PAX5: variants seen among roughly 807,000 people sequenced by gnomAD.
The protein encoded by PAX5 is paired box 5, also known as paired box protein Pax-5.
In PAX5, 9 loss-of-function variants were observed where a neutral mutation model predicts 43.7. That is an observed-to-expected ratio of 0.21 (90% CI 0.12 to 0.36). PAX5 has a LOEUF of 0.36. Among genes scored for constraint, PAX5 ranks in the 10% least tolerant of loss-of-function variants. The pLI, the probability that PAX5 is intolerant of heterozygous loss-of-function variation, is 1.00. For synonymous variants in PAX5, 228 were observed against 214.3 expected, an observed-to-expected ratio of 1.06 and a Z score of -0.56; for missense variants, 383 against 532.7, an observed-to-expected ratio of 0.72 and a Z score of 2.77.
At chr9:36,848,516 G>A (rs1411923392) in intron 8 of PAX5, among the ~76,000 whole-genome samples, 1 of 152,144 alleles carries the variant, frequency 6.6e-6, no homozygotes, top group Admixed American at 6.5e-5. Context: ...CCCGATGACA[G>A]TGGGCTGCAG....
chr9:36,908,353 C>A (rs1238600075), intron 7 of PAX5, among the ~76,000 whole-genome samples: 1 of 152,122 alleles, frequency 6.6e-6, no homozygotes. Context: ...ACTGTCCCTT[C>A]CTTCATGCTG....
chr9:36,990,846 A>G (rs1239520235), intron 5 of PAX5, among the ~76,000 whole-genome samples: 1 of 152,262 alleles, frequency 6.6e-6, no homozygotes, highest in Non-Finnish European at 1.5e-5. Flanking sequence ...GCAGTGGCTC[A>G]CGCCTGTAAT....
chr9:37,030,298 G>T (rs940927104), intron 1 of PAX5, among the ~76,000 whole-genome samples: 5 of 152,152 alleles, frequency 3.3e-5, no homozygotes. Context: ...CAAAAGGCGC[G>T]ACCGGACCTC....
At chr9:36,877,856 C>T (rs1826054996) in intron 8 of PAX5, among the ~76,000 whole-genome samples, 1 of 152,218 alleles carries the variant, frequency 6.6e-6, no homozygotes, top group Non-Finnish European at 1.5e-5. Flanking sequence ...GACTAAGGAT[C>T]TTGCGATGGG....
At position 36,840,567 on chromosome 9, in the gene PAX5, C is replaced by T. The variant is rs771002648; in HGVS notation, c.1169G>A (p.Arg390His). Reference protein sequence around the residue: ...APPAAATAYDRH With the variant: ...APPAAATAYDHH Reference sequence around the variant, plus strand: ...CCCGCCTGGCTCCAAGGGTCAGTGACGGTCATAGGCAGTGGCGGCTGCAGG... The same window carrying T: ...CCCGCCTGGCTCCAAGGGTCAGTGATGGTCATAGGCAGTGGCGGCTGCAGG... Residue 390 changes from arginine (R) to histidine (H), a missense_variant, in exon 10 of 10, where the codon CGT becomes CAT. Arg to His is a conservative substitution (Grantham distance 29, BLOSUM62 0). Coordinates refer to ENST00000358127, the MANE Select transcript of PAX5 (RefSeq NM_016734.3). The T allele has an allele frequency of 2.4e-5, 38 of 1,586,102 alleles. No homozygotes were observed. Among genetic ancestry groups the T allele is most frequent in the African/African-American group, 8.0e-5 (6 of 74,708 alleles).
intron 6 of PAX5, among the ~76,000 whole-genome samples, chr9:36,947,723 TA>T (rs1341571622): frequency 2.0e-5 from 3 of 152,144 alleles, no homozygotes; most frequent in Non-Finnish European, 2.9e-5. Context: ...CATATATATA[TA>T]TATTTTTAAC....
chr9:37,026,732 T>C, intron 1 of PAX5: 1 of 985,368 alleles, frequency 1.0e-6, no homozygotes, highest in Non-Finnish European at 1.2e-6. Context: ...AGAGCCTCCC[T>C]GCTGGAGACC....
chr9:36,857,583 G>T (rs969039902), intron 8 of PAX5, among the ~76,000 whole-genome samples: 6 of 152,216 alleles, frequency 3.9e-5, no homozygotes, highest in African/African-American at 1.4e-4. Flanking sequence ...AAAGCTTCCT[G>T]TAAGAAGTGG....
At chr9:36,925,869 G>C (rs192773095) in intron 6 of PAX5, among the ~76,000 whole-genome samples, 6 of 152,236 alleles carry the variant, frequency 3.9e-5, no homozygotes, top group Admixed American at 2.0e-4. Context: ...CCTCCAAGAA[G>C]TCTTTCATAA....
intron 7 of PAX5, among the ~76,000 whole-genome samples, chr9:36,898,828 C>T (rs959945852): frequency 6.6e-6 from 1 of 152,100 alleles, no homozygotes; most frequent in East Asian, 1.9e-4. Context: ...GACATCCTGG[C>T]ACCCACTGGC....
At chr9:36,979,524 C>T (rs1409444128) in intron 5 of PAX5, among the ~76,000 whole-genome samples, 8 of 152,136 alleles carry the variant, frequency 5.3e-5, no homozygotes, top group Non-Finnish European at 5.9e-5. Flanking sequence ...ATACATATTC[C>T]TGTGGCATAT....
At chr9:36,966,489 G>A in intron 6 of PAX5, 60 bp downstream of exon 6, 1 of 1,569,568 alleles carries the variant, frequency 6.4e-7, no homozygotes, top group Non-Finnish European at 8.7e-7. Flanking sequence ...CTGCCTTCAG[G>A]AACCTGGCTG....
In PAX5 at chr9:36,840,648, G is replaced by A. The variant is rs201887362; in HGVS notation, c.1100-12C>T. The A allele has an allele frequency of 5.3e-5, 81 of 1,535,664 alleles. 1 individual carries two copies. The highest frequency in any genetic ancestry group is 6.4e-5 in the Non-Finnish European group (72 of 1,131,144). On this transcript the variant is annotated splice_polypyrimidine_tract_variant and intron_variant, in intron 9 of 9. Transcript: ENST00000358127. ...ATAGTAGGGGGAGCCTGGAAGAGAC[G>A]GGAGAGAGCACCGAGGTCAGATCCG...
intron 6 of PAX5, among the ~76,000 whole-genome samples, chr9:36,952,750 G>C (rs571886646): frequency 4.3e-4 from 66 of 152,048 alleles, no homozygotes; most frequent in African/African-American, 1.5e-3. Context: ...CCTTCTAATA[G>C]AATATTCCCA....
In PAX5 at chr9:36,840,025, C is replaced by T. The variant is rs758174735; in HGVS notation, c.*535G>A. Reference sequence around the variant, plus strand: ...CCTCCATCTTGAGGACAGCTCTGAGCGCACCTGCCAGGGTCACCCAGGGCA... The same window carrying T: ...CCTCCATCTTGAGGACAGCTCTGAGTGCACCTGCCAGGGTCACCCAGGGCA... On this transcript the variant is annotated 3_prime_UTR_variant, in exon 10 of 10. Transcript: ENST00000358127. The T allele has an allele frequency of 2.8e-5, 7 of 249,624 alleles. No individual in the cohort carries two copies. The South Asian group carries it at 5.1e-4, about 18-fold the overall frequency. 15.5% of individuals were successfully genotyped at this position (249,624 alleles called of 1,614,324 possible).
chr9:36,954,005 G>A (rs369709703), intron 6 of PAX5, among the ~76,000 whole-genome samples: 2 of 152,278 alleles, frequency 1.3e-5, no homozygotes, highest in African/African-American at 4.8e-5. Context: ...CTGGGAGGTT[G>A]AGGTTACAGT....
chr9:36,857,765 C>A (rs1001707131), intron 8 of PAX5, among the ~76,000 whole-genome samples: 1 of 152,222 alleles, frequency 6.6e-6, no homozygotes, highest in African/African-American at 2.4e-5. Context: ...AGGACGCACA[C>A]GGTGCTGACA....
At chr9:36,963,826 G>A (rs1834175818) in intron 6 of PAX5, among the ~76,000 whole-genome samples, 1 of 152,180 alleles carries the variant, frequency 6.6e-6, no homozygotes, top group South Asian at 2.1e-4. Flanking sequence ...AGGCCAGGTG[G>A]AGTGCAGAGG....
rs374391308 is a variant in PAX5, at chr9:36,836,973, C to G, written c.*3587G>C. 5.4e-4 allele frequency: 126 copies of G among 232,720 alleles called. 1 individual carries two copies. The South Asian group carries it at 0.021, about 39-fold the overall frequency. The allele number at this position is 232,720 out of a possible 1,614,324, so 14.4% of individuals were successfully genotyped here. On this transcript the variant is annotated 3_prime_UTR_variant, in exon 10 of 10. Coordinates refer to ENST00000358127, the MANE Select transcript of PAX5 (RefSeq NM_016734.3). Reference sequence around the variant, plus strand: ...GCACTGTTGTGGATTTGGTCAAAGACTCCGCAGGTTTCAATGTTCTTAGGA... The same window carrying G: ...GCACTGTTGTGGATTTGGTCAAAGAGTCCGCAGGTTTCAATGTTCTTAGGA...
Sources: gnomAD v4.1 joint callset for allele counts (sites outside exome capture counted in the v4.1 genomes callset) on GRCh38, gnomAD v4.1.1 for gene constraint, MANE v1.5 for transcripts, NCBI Gene and HGNC (gene_info 2026-07-23, HGNC 2026-07-21) for gene names.